NCKAP5: variants seen among roughly 807,000 people sequenced by gnomAD.
NCKAP5 encodes the protein nck-associated protein 5.
NCKAP5 carries 92 observed loss-of-function variants against 167.0 expected under a neutral mutation model. The ratio of observed to expected loss-of-function variants is 0.55; its 90% confidence interval spans 0.47 to 0.66. The LOEUF (loss-of-function observed/expected upper bound fraction) is 0.66. NCKAP5 is among the 30% of genes least tolerant of loss of function. The pLI, the probability that NCKAP5 is intolerant of heterozygous loss-of-function variation, is 0.00. For missense variants in NCKAP5, 2,378 were observed against 2,315.0 expected (o/e 1.03, Z -0.56); for synonymous variants, 891 against 877.4 (o/e 1.02, Z -0.27).
Position 133,221,276 on chromosome 2 carries a change from G to T in NCKAP5, c.144-7497C>A, listed in dbSNP as rs114579477. The stretch of plus-strand genomic sequence containing the variant: ...GTGGTAAAGATATTGTGATATTAAA[G>T]AATCCCATAATACTCTCCATACAAA... On this transcript the variant is annotated intron_variant, in intron 4 of 19. Transcript: ENST00000409261. Among the ~76,000 whole-genome samples the T allele has an allele frequency of 8.5e-3, 1,297 of 152,232 alleles. 25 individuals are homozygous for T. The highest frequency in any genetic ancestry group is 0.029 in the African/African-American group (1,223 of 41,544).
chr2:132,812,247 C>T (rs1225351059), intron 11 of NCKAP5, among the ~76,000 whole-genome samples: 2 of 152,204 alleles, frequency 1.3e-5, no homozygotes, highest in African/African-American at 2.4e-5. Context: ...CCGCATGCTG[C>T]CTTGTCTGGA....
intron 6 of NCKAP5, among the ~76,000 whole-genome samples, chr2:133,100,267 T>C (rs971941737): frequency 7.9e-5 from 12 of 152,214 alleles, no homozygotes; most frequent in African/African-American, 2.4e-4. Context: ...CCACTTTAAT[T>C]AATCATGTTA....
In NCKAP5 at chr2:133,130,135, A is replaced by G. The variant is rs368079215; in HGVS notation, c.208-24T>C. The G allele has an allele frequency of 8.8e-5, 140 of 1,589,662 alleles. No individual in the cohort carries two copies. The African/African-American group carries it at 1.7e-3, about 20-fold the overall frequency. On this transcript the variant is annotated intron_variant, in intron 5 of 19. Transcript: ENST00000409261. ...TGCTATAAAAGACACAAAGGGGATG[A>G]CTTTTAGGAAGGTGTTTATGACAAA... is the stretch of plus-strand genomic sequence containing the variant.
At chr2:133,036,554 C>T (rs1357331114) in intron 6 of NCKAP5, among the ~76,000 whole-genome samples, 2 of 151,892 alleles carry the variant, frequency 1.3e-5, no homozygotes, top group East Asian at 1.9e-4. Context: ...ATCAACAGAA[C>T]GAAGGATAAA....
chr2:132,714,061 T>C (rs1467607490), intron 19 of NCKAP5, among the ~76,000 whole-genome samples: 3 of 152,244 alleles, frequency 2.0e-5, no homozygotes, highest in Admixed American at 2.0e-4. Flanking sequence ...GAGTGATAGC[T>C]TGGGATATTG....
At chr2:132,914,033 G>T (rs993181553) in intron 8 of NCKAP5, among the ~76,000 whole-genome samples, 1 of 152,018 alleles carries the variant, frequency 6.6e-6, no homozygotes, top group Admixed American at 6.6e-5. Context: ...GTTAAAACTC[G>T]CACCACCTTG....
chr2:133,336,840 G>A lies in NCKAP5; in HGVS notation c.70-33730C>T, dbSNP rs1229293143. On this transcript the variant is annotated intron_variant, in intron 3 of 19. Transcript: ENST00000409261. ...GATAAAGTTGATTTCATCTCCAAAA[G>A]TGACAGGGAGCAGGCTTCTGTTTGG... 2.0e-5 allele frequency among the ~76,000 whole-genome samples: 3 copies of A among 152,286 alleles called. No homozygotes were observed. In the East Asian group the frequency reaches 5.8e-4, roughly 29 times the overall value.
At chr2:133,606,036 A>AT in the NCKAP5 span, among the ~76,000 whole-genome samples, 1 of 152,182 alleles carries the variant, frequency 6.6e-6, no homozygotes, top group African/African-American at 2.4e-5. Context: ...TGGAAAAAAA[A>AT]TGCTGATTTT....
chr2:133,189,022 A>G (rs1423601156), intron 5 of NCKAP5, among the ~76,000 whole-genome samples: 9 of 152,148 alleles, frequency 5.9e-5, no homozygotes, highest in Non-Finnish European at 8.8e-5. Flanking sequence ...GATCAACAAA[A>G]TTGATAGGCT....
At chr2:133,540,383 A>G (rs1686124818) in intron 2 of NCKAP5, among the ~76,000 whole-genome samples, 1 of 152,236 alleles carries the variant, frequency 6.6e-6, no homozygotes, top group Non-Finnish European at 1.5e-5. Flanking sequence ...ACAATGATGT[A>G]ATCAAAGTGT....
chr2:133,172,574 C>T (rs35157517), intron 5 of NCKAP5, among the ~76,000 whole-genome samples: 21,359 of 152,134 alleles, frequency 0.14, 1,660 homozygotes, highest in East Asian at 0.37. Context: ...CAAGTTCAAG[C>T]GATTCTCCTG....
At chr2:133,428,040 C>T (rs9287427) in intron 3 of NCKAP5, among the ~76,000 whole-genome samples, 60,561 of 151,878 alleles carry the variant, frequency 0.4, 13,413 homozygotes, top group African/African-American at 0.6. Context: ...CAAAGTAATA[C>T]ATAAGTGATA....
intron 8 of NCKAP5, among the ~76,000 whole-genome samples, chr2:132,926,833 C>T (rs1294997714): frequency 6.6e-6 from 1 of 152,104 alleles, no homozygotes; most frequent in Non-Finnish European, 1.5e-5. Flanking sequence ...GTTGTCTCTT[C>T]ACTCGTTTAT....
chr2:133,530,258 T>TA (rs35812179), intron 2 of NCKAP5, among the ~76,000 whole-genome samples: 125 of 148,616 alleles, frequency 8.4e-4, no homozygotes, highest in East Asian at 2.1e-3. Flanking sequence ...GACCCTCAAG[T>TA]AAAAAAAAAA....
intron 4 of NCKAP5, among the ~76,000 whole-genome samples, chr2:133,295,081 T>C (rs1308261541): frequency 4.6e-5 from 7 of 152,138 alleles, no homozygotes; most frequent in Non-Finnish European, 1.0e-4. Flanking sequence ...CTCAGGAAAT[T>C]AGTGAGGAAC....
At chr2:133,325,228 A>G (rs1682351897) in intron 3 of NCKAP5, among the ~76,000 whole-genome samples, 1 of 152,182 alleles carries the variant, frequency 6.6e-6, no homozygotes, top group African/African-American at 2.4e-5. Context: ...GTACACAGGG[A>G]AAGAGCCAGA....
chr2:133,605,660 A>G, the NCKAP5 span, among the ~76,000 whole-genome samples: 4 of 152,214 alleles, frequency 2.6e-5, no homozygotes, highest in Admixed American at 6.5e-5. Context: ...CATAGGGTAT[A>G]TCAACATAAA....
intron 5 of NCKAP5, among the ~76,000 whole-genome samples, chr2:133,172,462 G>T (rs1157043159): frequency 6.6e-6 from 1 of 152,186 alleles, no homozygotes; most frequent in Non-Finnish European, 1.5e-5. Flanking sequence ...TTCTTTTTGA[G>T]ACTGAGTTTA....
chr2:133,671,650 T>C, the NCKAP5 span, among the ~76,000 whole-genome samples: 1 of 152,058 alleles, frequency 6.6e-6, no homozygotes. Context: ...CCCCTCAACC[T>C]TGGACTTCCC....
Sources: allele counts gnomAD v4.1 joint callset (sites outside exome capture counted in the v4.1 genomes callset), GRCh38; gene constraint gnomAD v4.1.1; transcripts MANE v1.5; gene names NCBI Gene and HGNC (gene_info 2026-07-23, HGNC 2026-07-21).